Variants in SYNPO2 observed in about 807,000 individuals in gnomAD.
SYNPO2 encodes the protein synaptopodin-2.
SYNPO2 carries 56 observed loss-of-function variants against 85.0 expected under a neutral mutation model. That is an observed-to-expected ratio of 0.66 (90% CI 0.53 to 0.82). SYNPO2 has a LOEUF of 0.82. Among genes scored for constraint, SYNPO2 ranks in the 40% least tolerant of loss-of-function variants. The pLI is 0.00. For synonymous variants in SYNPO2, 602 were observed against 591.1 expected (o/e 1.02, Z -0.27); for missense variants, 1,575 against 1,534.2 (o/e 1.03, Z -0.44).
intron 1 of SYNPO2, among the ~76,000 whole-genome samples, chr4:119,022,762 AT>A (rs1460589205): frequency 2.7e-5 from 3 of 109,766 alleles, no homozygotes; most frequent in Admixed American, 9.6e-5. Context: ...ATTTTATTTT[AT>A]ATTTTATTTT....
At chr4:118,990,809 A>G (rs1578621172) in intron 1 of SYNPO2, among the ~76,000 whole-genome samples, 1 of 152,092 alleles carries the variant, frequency 6.6e-6, no homozygotes, top group East Asian at 1.9e-4. Flanking sequence ...GGGTTTTACC[A>G]TGTTGCCCAG....
At chr4:118,890,143 T>G (rs1243839915) in intron 1 of SYNPO2, among the ~76,000 whole-genome samples, 1 of 151,938 alleles carries the variant, frequency 6.6e-6, no homozygotes, top group Non-Finnish European at 1.5e-5. Flanking sequence ...TTTTTTGTAG[T>G]TATTGTTTCC....
At chr4:118,957,946 CA>C (rs1259387175) in intron 1 of SYNPO2, among the ~76,000 whole-genome samples, 2 of 152,206 alleles carry the variant, frequency 1.3e-5, no homozygotes, top group Admixed American at 1.3e-4. Context: ...CAAGAATATG[CA>C]GCCACTTTTC....
At chr4:118,912,205 G>A (rs1733161388) in intron 1 of SYNPO2, among the ~76,000 whole-genome samples, 1 of 152,190 alleles carries the variant, frequency 6.6e-6, no homozygotes, top group Non-Finnish European at 1.5e-5. Flanking sequence ...GTCAGAGGCA[G>A]GATCTCACTC....
intron 1 of SYNPO2, among the ~76,000 whole-genome samples, chr4:118,989,698 C>T (rs1736340246): frequency 6.6e-6 from 1 of 152,190 alleles, no homozygotes; most frequent in Non-Finnish European, 1.5e-5. Context: ...TCCTGTGAAG[C>T]AAACATAAGC....
chr4:118,923,312 A>G (rs1172241071), intron 1 of SYNPO2, among the ~76,000 whole-genome samples: 1 of 152,114 alleles, frequency 6.6e-6, no homozygotes, highest in Non-Finnish European at 1.5e-5. Context: ...CAAATATCAT[A>G]TGTTCCCACT....
At chr4:118,897,778 C>G (rs544722269) in intron 1 of SYNPO2, among the ~76,000 whole-genome samples, 173 of 152,200 alleles carry the variant, frequency 1.1e-3, no homozygotes, top group African/African-American at 4.0e-3. Flanking sequence ...AGCCTGGAAC[C>G]AGGGCTTGTG....
intron 1 of SYNPO2, among the ~76,000 whole-genome samples, chr4:118,947,464 AGAG>A (rs940664806): frequency 5.9e-5 from 9 of 152,208 alleles, no homozygotes; most frequent in Non-Finnish European, 1.3e-4. Flanking sequence ...CTTGAAGTGC[AGAG>A]GAGGAGAATG....
intron 1 of SYNPO2, among the ~76,000 whole-genome samples, chr4:119,010,368 G>A (rs546210221): frequency 4.6e-5 from 7 of 152,282 alleles, no homozygotes; most frequent in Admixed American, 3.3e-4. Context: ...TTCTTATGTG[G>A]CAGCGGCAAG....
At chr4:118,898,186 T>C (rs905521740) in intron 1 of SYNPO2, among the ~76,000 whole-genome samples, 1 of 152,158 alleles carries the variant, frequency 6.6e-6, no homozygotes. Flanking sequence ...GTTCAAGACA[T>C]ATCAGAGGTG....
At chr4:119,051,252 G>C (rs897331700) in intron 4 of SYNPO2, among the ~76,000 whole-genome samples, 12 of 128,842 alleles carry the variant, frequency 9.3e-5, no homozygotes, top group East Asian at 4.9e-4. Flanking sequence ...TGCAGTGGCG[G>C]GATCTCGGCT....
At chr4:118,879,574 G>C (rs1732031678) in intron 1 of SYNPO2, among the ~76,000 whole-genome samples, 1 of 152,168 alleles carries the variant, frequency 6.6e-6, no homozygotes, top group Non-Finnish European at 1.5e-5. Context: ...GGACCTAGCA[G>C]CCCTTTGATC....
chr4:119,007,236 A>G (rs865896526), intron 1 of SYNPO2, among the ~76,000 whole-genome samples: 8 of 50,956 alleles, frequency 1.6e-4, no homozygotes, highest in African/African-American at 4.3e-4. Context: ...ATATATATAT[A>G]TATATATATG....
intron 4 of SYNPO2, chr4:119,033,130 G>A (rs1036724744): frequency 1.0e-6 from 1 of 985,306 alleles, no homozygotes; most frequent in African/African-American, 1.7e-5. Context: ...GGACCTGAAG[G>A]TTTACTGACT....
chr4:119,030,566 T>A lies in SYNPO2; in HGVS notation c.1791T>A (p.Asn597Lys). The stretch of plus-strand genomic sequence containing the variant: ...CCAAACCCTTCCCAGGGTCTGTGAA[T>A]CAGCCAGCTACCCCCTTCTCGCCAA... The part of the protein sequence containing the change: ...RTAKPFPGSV[N>K]QPATPFSPTR... The change falls in exon 4 of 5, where the codon AAT becomes AAA. Residue 597 changes from asparagine to lysine, a missense_variant. Asn to Lys is a moderately conservative substitution (Grantham distance 94). This residue lies in a region of SYNPO2 where 1,508 missense variants were observed against 1,446.8 expected (regional missense o/e 1.04). Transcript: ENST00000307142. 1 of 1,614,078 alleles carries A rather than the reference T, an allele frequency of 6.2e-7. No homozygotes were observed.
At chr4:118,918,236 G>A (rs1290663246) in intron 1 of SYNPO2, among the ~76,000 whole-genome samples, 2 of 152,022 alleles carry the variant, frequency 1.3e-5, no homozygotes, top group Middle Eastern at 3.2e-3. Flanking sequence ...GAAACCAGAT[G>A]TCTTAATGTT....
At chr4:118,881,223 A>T (rs1220280068) in intron 1 of SYNPO2, among the ~76,000 whole-genome samples, 1 of 150,734 alleles carries the variant, frequency 6.6e-6, no homozygotes, top group Non-Finnish European at 1.5e-5. Flanking sequence ...AATGGCATGA[A>T]CCCGGGAGGT....
rs1732265312 is a variant in SYNPO2, at chr4:118,888,881, C to CA, written c.-156_-155insA. 1.4e-6 allele frequency: 1 copy of CA among 732,562 alleles called. No individual in the cohort carries two copies. 45.4% of individuals were successfully genotyped at this position (732,562 alleles called of 1,614,324 possible). ...ACAAATTCGCAGCAGGCGGCTGGGG[C>CA]GGCGGCTGGGGCAGCGGCTGCAGCA... On this transcript the variant is annotated 5_prime_UTR_variant, in exon 1 of 5. Coordinates refer to ENST00000307142, the MANE Select transcript of SYNPO2 (RefSeq NM_133477.3).
intron 4 of SYNPO2, among the ~76,000 whole-genome samples, chr4:119,054,996 C>T (rs1739167191): frequency 6.6e-6 from 1 of 152,206 alleles, no homozygotes; most frequent in Admixed American, 6.5e-5. Context: ...AAGTGATATA[C>T]AGACACACAC....
Sources: gnomAD v4.1 joint callset for allele counts (sites outside exome capture counted in the v4.1 genomes callset) on GRCh38, gnomAD v4.1.1 for gene constraint, gnomAD v4.1.1 regional missense constraint, MANE v1.5 for transcripts, NCBI Gene and HGNC (gene_info 2026-07-23, HGNC 2026-07-21) for gene names.